Variants in ADGRF1 observed in about 807,000 individuals in gnomAD.
The protein encoded by ADGRF1 is adhesion G protein-coupled receptor F1.
In ADGRF1, 85 loss-of-function variants were observed where a neutral mutation model predicts 87.2. That is an observed-to-expected ratio of 0.97 (90% CI 0.82 to 1.17). ADGRF1 has a LOEUF of 1.17. ADGRF1 is among the 50% of genes most tolerant of loss of function. The probability of loss-of-function intolerance (pLI) is 0.00; values close to 1 mark genes in which losing one functional copy is unlikely to be tolerated. For missense variants in ADGRF1, 1,169 were observed against 1,077.2 expected (o/e 1.09, Z -1.19); for synonymous variants, 430 against 408.8 (o/e 1.05, Z -0.63).
At chr6:47,012,623 G>C in intron 9 of ADGRF1, 3 of 988,118 alleles carry the variant, frequency 3.0e-6, no homozygotes, top group Non-Finnish European at 3.6e-6. Flanking sequence ...GCACTCAGCG[G>C]AAAATGTTAG....
At chr6:47,014,408 ACCT>A in intron 9 of ADGRF1, 1 of 1,137,222 alleles carries the variant, frequency 8.8e-7, no homozygotes, top group Non-Finnish European at 1.1e-6. Context: ...TCCATCATAG[ACCT>A]CCTCAGCAAT....
At chr6:47,006,503 T>C (rs570837273) in intron 12 of ADGRF1, among the ~76,000 whole-genome samples, 2 of 152,294 alleles carry the variant, frequency 1.3e-5, no homozygotes, top group South Asian at 4.1e-4. Context: ...TTTATTTTTC[T>C]TCAACAGTAT....
Position 47,023,894 on chromosome 6 carries a change from G to C in ADGRF1, c.451+150C>G. ...TTCTGTACTATGAAAGTTCTCACTG[G>C]GTCCAGACAGGCCTAACATGATGTA... On this transcript the variant is annotated intron_variant, in intron 5 of 14. Transcript: ENST00000371253. 20 of 643,038 alleles carry C rather than the reference G, an allele frequency of 3.1e-5. No individual in the cohort carries two copies. The South Asian group carries it at 3.9e-4, about 12-fold the overall frequency. The allele number at this position is 643,038 out of a possible 1,614,324, so 39.8% of individuals were successfully genotyped here.
At chr6:47,039,544 A>C (rs1180157845) in intron 1 of ADGRF1, among the ~76,000 whole-genome samples, 2 of 152,220 alleles carry the variant, frequency 1.3e-5, no homozygotes, top group Non-Finnish European at 2.9e-5. Context: ...GGTTTTGTGT[A>C]CTATGGGTTG....
rs1380533460 is a variant in ADGRF1, at chr6:46,998,227, G to C, written c.*1995C>G. 1 of 152,208 alleles carries C rather than the reference G, an allele frequency of 6.6e-6. No individual in the cohort carries two copies. The highest frequency in any genetic ancestry group is 1.5e-5 in the Non-Finnish European group (1 of 68,048). 9.4% of individuals were successfully genotyped at this position (152,208 alleles called of 1,614,324 possible). On this transcript the variant is annotated 3_prime_UTR_variant, in exon 15 of 15. Coordinates refer to ENST00000371253, the MANE Select transcript of ADGRF1 (RefSeq NM_153840.4). Reference sequence around the variant, plus strand: ...TCAGGGTTCTCTGGATAGTAATTGTGTGTAATAAGAGAGGGAGCATTCAAG... The same window carrying C: ...TCAGGGTTCTCTGGATAGTAATTGTCTGTAATAAGAGAGGGAGCATTCAAG...
intron 7 of ADGRF1, chr6:47,020,354 G>A (rs1780008887): frequency 1.2e-6 from 1 of 824,548 alleles, no homozygotes; most frequent in East Asian, 2.9e-5. Context: ...AAGTTAGCTG[G>A]ATGTGGTGGC....
At position 47,016,782 on chromosome 6, in the gene ADGRF1, G is replaced by T; in HGVS notation, c.612-14C>A. The stretch of plus-strand genomic sequence containing the variant: ...ATGCTTCCATTTCTGCAGTGATTAT[G>T]GGGAAAGAGAAATGAGATTCACTAC... On this transcript the variant is annotated splice_polypyrimidine_tract_variant and intron_variant, in intron 7 of 14. Transcript: ENST00000371253. 1 of 1,562,368 alleles carries T rather than the reference G, an allele frequency of 6.4e-7. No individual in the cohort carries two copies. Among genetic ancestry groups the T allele is most frequent in the Non-Finnish European group, 8.7e-7 (1 of 1,145,088 alleles).
chr6:47,023,522 C>G (rs1375106240), intron 5 of ADGRF1, among the ~76,000 whole-genome samples: 1 of 152,212 alleles, frequency 6.6e-6, no homozygotes, highest in African/African-American at 2.4e-5. Flanking sequence ...CCATAGCTCC[C>G]TCAGCTTCCA....
chr6:47,012,700 G>GAAGAGAGAGA, intron 9 of ADGRF1: 1 of 985,586 alleles, frequency 1.0e-6, no homozygotes, highest in Non-Finnish European at 1.2e-6. Context: ...TGTAAGATGG[G>GAAGAGAGAGA]AAGAGAGAGA....
intron 4 of ADGRF1, among the ~76,000 whole-genome samples, chr6:47,025,492 C>G (rs1780201447): frequency 6.6e-6 from 1 of 151,998 alleles, no homozygotes; most frequent in South Asian, 2.1e-4. Context: ...ATCCTAGTCC[C>G]CTGAAGTTAA....
chr6:47,030,227 C>G (rs1402097003), intron 1 of ADGRF1, among the ~76,000 whole-genome samples: 9 of 152,196 alleles, frequency 5.9e-5, no homozygotes, highest in African/African-American at 1.7e-4. Context: ...TATGTCTCAG[C>G]AGAGACCTTT....
Position 47,009,476 on chromosome 6 carries a change from AG to A in ADGRF1, c.1958del (p.Pro653LeufsTer45). ...ACACAGCAGCTGTGCAGACTCCAGA[AG>A]GGTTCACCGTGGTGTCCACTGTGGC... Reference protein sequence around the residue: ...VGATVDTTVNPSGVCTAAVFF... With the variant: ...VGATVDTTVNXSGVCTAAVFF... On this transcript the variant is annotated frameshift_variant, in exon 11 of 15. Coordinates refer to ENST00000371253, the MANE Select transcript of ADGRF1 (RefSeq NM_153840.4). LOFTEE classifies it high-confidence loss of function. 1 of 1,613,964 alleles carries A rather than the reference AG, an allele frequency of 6.2e-7. No individual in the cohort carries two copies. The highest frequency in any genetic ancestry group is 8.5e-7 in the Non-Finnish European group (1 of 1,179,944).
intron 1 of ADGRF1, among the ~76,000 whole-genome samples, chr6:47,038,464 T>C (rs1228283991): frequency 6.6e-6 from 1 of 152,222 alleles, no homozygotes; most frequent in Admixed American, 6.5e-5. Context: ...TTATTTTTAA[T>C]TGACAAATAA....
rs982069143 is a variant in ADGRF1, at chr6:47,042,224, G to A, written c.-77C>T. 1 of 152,022 alleles carries A rather than the reference G, an allele frequency of 6.6e-6. No homozygotes were observed. Among genetic ancestry groups the A allele is most frequent in the Non-Finnish European group, 1.5e-5 (1 of 68,020 alleles). 9.4% of individuals were successfully genotyped at this position (152,022 alleles called of 1,614,324 possible). ...TTATCTCTTCACACCAGAACTCGAG[G>A]GAGCCCTTCCTTCAGTATACTTGTG... On this transcript the variant is annotated 5_prime_UTR_variant, in exon 1 of 15. Coordinates refer to ENST00000371253, the MANE Select transcript of ADGRF1 (RefSeq NM_153840.4).
At chr6:47,008,506 T>C (rs909296998) in intron 11 of ADGRF1, among the ~76,000 whole-genome samples, 6 of 152,216 alleles carry the variant, frequency 3.9e-5, no homozygotes, top group Admixed American at 1.3e-4. Flanking sequence ...TGTATTCCAA[T>C]AAAACTTTAT....
chr6:47,020,783 T>G lies in ADGRF1; in HGVS notation c.559A>C (p.Lys187Gln). The G allele has an allele frequency of 6.2e-7, 1 of 1,613,532 alleles. No homozygotes were observed. The highest frequency in any genetic ancestry group is 8.5e-7 in the Non-Finnish European group (1 of 1,179,462). The change falls in exon 7 of 15, where the codon AAA (lysine) becomes CAA (glutamine). Residue 187 changes from lysine (K) to glutamine (Q), a missense_variant. Physicochemically the swap from Lys to Gln is moderately conservative, Grantham distance 53. Coordinates refer to ENST00000371253, the MANE Select transcript of ADGRF1 (RefSeq NM_153840.4). ...YANGIEIQLK[K>Q]AYERIQGFES... is the part of the protein sequence containing the mutation. ...AAACCTTGAATTCTTTCATATGCTT[T>G]TTTAAGCTTAGAAAGAGAACAAAGA...
intron 9 of ADGRF1, chr6:47,013,009 T>C: frequency 2.2e-6 from 2 of 918,112 alleles, no homozygotes; most frequent in Non-Finnish European, 2.6e-6. Flanking sequence ...CTTGACCTCA[T>C]GATCTGCCCG....
intron 9 of ADGRF1, chr6:47,012,989 G>C (rs1412969765): frequency 3.7e-6 from 3 of 800,328 alleles, no homozygotes; most frequent in South Asian, 1.1e-4. Context: ...GGCCAGGCTG[G>C]TCTTGAACTC....
chr6:47,006,215 A>G (rs1349992837), intron 12 of ADGRF1, among the ~76,000 whole-genome samples: 1 of 152,174 alleles, frequency 6.6e-6, no homozygotes, highest in Non-Finnish European at 1.5e-5. Context: ...TAGTACAATT[A>G]AGAACAGCAA....
Sources: gnomAD v4.1 joint callset for allele counts (sites outside exome capture counted in the v4.1 genomes callset) on GRCh38, gnomAD v4.1.1 for gene constraint, MANE v1.5 for transcripts, NCBI Gene and HGNC (gene_info 2026-07-23, HGNC 2026-07-21) for gene names.